Variants in SBNO2 observed in about 807,000 individuals in gnomAD.
The protein encoded by SBNO2 is strawberry notch homolog 2.
SBNO2 carries 89 observed loss-of-function variants against 146.3 expected under a neutral mutation model. That is an observed-to-expected ratio of 0.61 (90% CI 0.51 to 0.73). The LOEUF (loss-of-function observed/expected upper bound fraction) is 0.73, where lower values mean the gene tolerates loss of function less well. Ranked by LOEUF, SBNO2 falls within the 30% of genes least tolerant of loss-of-function variation. The pLI is 0.00. For missense variants in SBNO2, 2,092 were observed against 2,003.7 expected (o/e 1.04, Z -0.84); for synonymous variants, 1,147 against 892.6 (o/e 1.29, Z -5.08).
At chr19:1,151,389 G>A (rs2080240992) in intron 2 of SBNO2, among the ~76,000 whole-genome samples, 1 of 152,182 alleles carries the variant, frequency 6.6e-6, no homozygotes, top group Admixed American at 6.5e-5. Flanking sequence ...CAGGCTAGGG[G>A]ATGGGACGGG....
chr19:1,119,016 G>T lies in SBNO2; in HGVS notation c.1522C>A (p.Leu508Met). 1 of 1,592,312 alleles carries T rather than the reference G, an allele frequency of 6.3e-7. No homozygotes were observed. The change falls in exon 14 of 32, where the codon CTG (leucine) becomes ATG (methionine). Residue 508 changes from leucine to methionine, a missense_variant. By Grantham distance (15) the Leu-to-Met change is conservative. Coordinates refer to ENST00000361757, the MANE Select transcript of SBNO2 (RefSeq NM_014963.3). ...GGTCGGGTGCGCAGGCTCACCAGCA[G>T]GGCCGCGCGGTTGTAGACGCACTCG... ...AFECVYNRAA[L>M]LWAEALNVFQ...
At chr19:1,120,996 A>G (rs2079894782) in intron 11 of SBNO2, among the ~76,000 whole-genome samples, 1 of 151,636 alleles carries the variant, frequency 6.6e-6, no homozygotes, top group African/African-American at 2.4e-5. Flanking sequence ...GGTTCAAGCG[A>G]TTCTCCTGCC....
At chr19:1,149,242 C>G in intron 3 of SBNO2, 127 bp downstream of exon 3, 1 of 835,900 alleles carries the variant, frequency 1.2e-6, no homozygotes. Flanking sequence ...GGACCACGTG[C>G]ACACCACCCT....
chr19:1,154,350 G>A lies in SBNO2; in HGVS notation c.-74C>T, dbSNP rs1028328499. ...CTCCAGGACCCGGGGCCGCCGGGGCGTCTATCTGGGCTTCTCGCTCCGTGG... is the reference window on the plus strand; with the variant it reads ...CTCCAGGACCCGGGGCCGCCGGGGCATCTATCTGGGCTTCTCGCTCCGTGG... On this transcript the variant is annotated 5_prime_UTR_variant, in exon 2 of 32. It adds an upstream start codon to the 5' untranslated region. Transcript: ENST00000361757. 2.2e-5 allele frequency: 17 copies of A among 785,366 alleles called. No homozygotes were observed. The highest frequency in any genetic ancestry group is 4.3e-5 in the Admixed American group (1 of 23,002). The allele number at this position is 785,366 out of a possible 1,614,324, so 48.6% of individuals were successfully genotyped here.
chr19:1,109,516 A>C lies in SBNO2; in HGVS notation c.3206T>G (p.Leu1069Arg). ...ALTGPYDGFY[L>R]SYKVRGNKPS... is the part of the protein sequence containing the mutation. Reference sequence around the variant, plus strand: ...CCCGCCCGACCCCACCTTGTAGGAGAGGTAGAAGCCGTCATAGGGGCCCGT... The same window carrying C: ...CCCGCCCGACCCCACCTTGTAGGAGCGGTAGAAGCCGTCATAGGGGCCCGT... Residue 1069 changes from leucine (L) to arginine (R), a missense_variant, in exon 28 of 32, where the codon CTC becomes CGC. Leu to Arg is a moderately radical substitution (Grantham distance 102). Transcript: ENST00000361757. This position sits in a 1 kb window ranked among gnomAD's most constrained non-coding sequence, Gnocchi z 4.2. 1 of 1,597,808 alleles carries C rather than the reference A, an allele frequency of 6.3e-7. No individual in the cohort carries two copies. Among genetic ancestry groups the C allele is most frequent in the East Asian group, 2.3e-5 (1 of 44,144 alleles).
chr19:1,109,857 C>T lies in SBNO2; in HGVS notation c.3029-80G>A, dbSNP rs895153008. ...GCCAGGGTCAGTCCCGTAGCCGGGGCGCACCCTAGAGACGACCCCCCGAGA... is the reference window on the plus strand; with the variant it reads ...GCCAGGGTCAGTCCCGTAGCCGGGGTGCACCCTAGAGACGACCCCCCGAGA... On this transcript the variant is annotated intron_variant, in intron 26 of 31. Coordinates refer to ENST00000361757, the MANE Select transcript of SBNO2 (RefSeq NM_014963.3). This position sits in a 1 kb window ranked among gnomAD's most constrained non-coding sequence, Gnocchi z 4.2. 3.7e-6 allele frequency: 4 copies of T among 1,094,784 alleles called. No homozygotes were observed. Among genetic ancestry groups the T allele is most frequent in the Admixed American group, 2.4e-5 (1 of 41,476 alleles). 67.8% of individuals were successfully genotyped at this position (1,094,784 alleles called of 1,614,324 possible). A position where few individuals can be genotyped will look rare whatever the true frequency, so the allele number is the denominator to read the frequency against.
chr19:1,121,537 G>A (rs2079901074), intron 11 of SBNO2, among the ~76,000 whole-genome samples: 1 of 152,172 alleles, frequency 6.6e-6, no homozygotes, highest in Non-Finnish European at 1.5e-5. Context: ...AACACCCAAG[G>A]TGCACCCTGC....
chr19:1,147,531 A>C, intron 3 of SBNO2, 111 bp from the exon 4 acceptor site: 1 of 595,940 alleles, frequency 1.7e-6, no homozygotes, highest in South Asian at 2.4e-5. Flanking sequence ...GCCCCACTGG[A>C]GTGTGCCCAG....
intron 1 of SBNO2, among the ~76,000 whole-genome samples, chr19:1,156,810 G>A (rs1406089256): frequency 1.3e-5 from 2 of 149,524 alleles, no homozygotes; most frequent in East Asian, 2.0e-4. Context: ...GACAGAAGGG[G>A]ATGCGTGGGT....
At chr19:1,167,403 T>A (rs1261737051) in intron 1 of SBNO2, among the ~76,000 whole-genome samples, 1 of 152,224 alleles carries the variant, frequency 6.6e-6, no homozygotes, top group African/African-American at 2.4e-5. Context: ...ACTGCTGTCC[T>A]GGGCCCTGGT....
At chr19:1,117,077 A>T (rs191050670) in intron 15 of SBNO2, among the ~76,000 whole-genome samples, 151 bp from the exon 16 acceptor site, 70 of 151,122 alleles carry the variant, frequency 4.6e-4, no homozygotes, top group African/African-American at 1.6e-3. Context: ...TACAACACAC[A>T]CTGCTGGGTG....
At chr19:1,155,384 A>C (rs1426399252) in intron 1 of SBNO2, among the ~76,000 whole-genome samples, 1 of 152,116 alleles carries the variant, frequency 6.6e-6, no homozygotes, top group Non-Finnish European at 1.5e-5. Context: ...GTGGTCAGGC[A>C]CAGTGGGGGT....
chr19:1,112,721 T>C lies in SBNO2; in HGVS notation c.2379+97A>G. 1 of 1,470,530 alleles carries C rather than the reference T, an allele frequency of 6.8e-7. No individual in the cohort carries two copies. The highest frequency in any genetic ancestry group is 9.0e-7 in the Non-Finnish European group (1 of 1,108,134). 91.1% of individuals were successfully genotyped at this position (1,470,530 alleles called of 1,614,324 possible). A position where few individuals can be genotyped will look rare whatever the true frequency, so the allele number is the denominator to read the frequency against. On this transcript the variant is annotated intron_variant, in intron 20 of 31. Transcript: ENST00000361757. This position sits in a 1 kb window ranked among gnomAD's most constrained non-coding sequence, Gnocchi z 5.9. ...GCGCCCGCACCTGGCACACACACACTCCAGAAGTGCGCGGGTCCACAGTCC... is the reference window on the plus strand; with the variant it reads ...GCGCCCGCACCTGGCACACACACACCCCAGAAGTGCGCGGGTCCACAGTCC...
chr19:1,128,793 C>T (rs563476796), intron 4 of SBNO2, among the ~76,000 whole-genome samples: 2 of 151,770 alleles, frequency 1.3e-5, no homozygotes, highest in African/African-American at 4.8e-5. Context: ...TATGGCAAAA[C>T]CCCATTTCTA....
intron 5 of SBNO2, among the ~76,000 whole-genome samples, chr19:1,125,927 G>A (rs1599843844): frequency 1.3e-5 from 2 of 152,144 alleles, no homozygotes; most frequent in East Asian, 1.9e-4. Context: ...CCAGAAGGTC[G>A]AGGCTGAAAT....
In SBNO2 at chr19:1,156,355, C is replaced by G. The variant is rs118035094; in HGVS notation, c.-126-1953G>C. On this transcript the variant is annotated intron_variant, in intron 1 of 31. Coordinates refer to ENST00000361757, the MANE Select transcript of SBNO2 (RefSeq NM_014963.3). ...ACCTGGCAGGGTGTGGAGACCTGGACCGGGAGGGGATGGGGGCAGGAGAAC... is the reference window on the plus strand; with the variant it reads ...ACCTGGCAGGGTGTGGAGACCTGGAGCGGGAGGGGATGGGGGCAGGAGAAC... Among the ~76,000 whole-genome samples the G allele has an allele frequency of 2.6e-3, 388 of 152,156 alleles. 2 individuals are homozygous for G. Among genetic ancestry groups the G allele is most frequent in the Non-Finnish European group, 4.4e-3 (300 of 67,988 alleles).
At chr19:1,151,897 A>G (rs2080245872) in intron 2 of SBNO2, among the ~76,000 whole-genome samples, 1 of 152,142 alleles carries the variant, frequency 6.6e-6, no homozygotes, top group Non-Finnish European at 1.5e-5. Context: ...TCCTGACCCC[A>G]AGCAATGTGC....
At chr19:1,162,556 G>C (rs568717732) in intron 1 of SBNO2, among the ~76,000 whole-genome samples, 3 of 151,992 alleles carry the variant, frequency 2.0e-5, no homozygotes, top group Non-Finnish European at 4.4e-5. Flanking sequence ...GAGCCTGCCA[G>C]AGGCAGGAGG....
chr19:1,124,643 G>T (rs1327415536), intron 5 of SBNO2, among the ~76,000 whole-genome samples: 1 of 152,210 alleles, frequency 6.6e-6, no homozygotes, highest in Non-Finnish European at 1.5e-5. Flanking sequence ...TCCTCTGTGA[G>T]AGATGGGGCA....
Sources: allele counts gnomAD v4.1 joint callset (sites outside exome capture counted in the v4.1 genomes callset), GRCh38; gene constraint gnomAD v4.1.1; non-coding constraint Gnocchi (gnomAD v3.1); transcripts MANE v1.5; gene names NCBI Gene and HGNC (gene_info 2026-07-23, HGNC 2026-07-21).